Variants in ANKFN1 observed in about 807,000 individuals in gnomAD.
ANKFN1 encodes ankyrin repeat and fibronectin type III domain containing 1.
In ANKFN1, 74 loss-of-function variants were observed where a neutral mutation model predicts 108.7. The ratio of observed to expected loss-of-function variants is 0.68; its 90% CI spans 0.56 to 0.83. The LOEUF is 0.83. Ranked by LOEUF, ANKFN1 falls within the 40% of genes least tolerant of loss-of-function variation. The pLI, the probability that ANKFN1 is intolerant of heterozygous loss-of-function variation, is 0.00. For missense variants in ANKFN1, 1,505 were observed against 1,382.3 expected, an observed-to-expected ratio of 1.09 and a Z score of -1.41; for synonymous variants, 547 against 516.2, an observed-to-expected ratio of 1.06 and a Z score of -0.81.
In ANKFN1 at chr17:56,108,326, G is replaced by A. The variant is rs1035743659; in HGVS notation, c.288+62001G>A. 5.9e-5 allele frequency among the ~76,000 whole-genome samples: 9 copies of A among 152,264 alleles called. 1 individual carries two copies. Among genetic ancestry groups the A allele is most frequent in the Admixed American group, 2.6e-4 (4 of 15,288 alleles). On this transcript the variant is annotated intron_variant, in intron 4 of 12. Transcript: ENST00000635860. Reference sequence around the variant, plus strand: ...TGGGATTACAGGTGTGAGCCACGGCGCCTGGCCTCCCATAGCACTTTCATT... The same window carrying A: ...TGGGATTACAGGTGTGAGCCACGGCACCTGGCCTCCCATAGCACTTTCATT...
At chr17:56,381,512 A>C (rs2047103734) in intron 8 of ANKFN1, among the ~76,000 whole-genome samples, 1 of 152,208 alleles carries the variant, frequency 6.6e-6, no homozygotes, top group Admixed American at 6.5e-5. Context: ...AATTCAAACC[A>C]AAGGCAAACA....
chr17:56,402,525 A>C (rs1275652631), intron 8 of ANKFN1, among the ~76,000 whole-genome samples: 1 of 152,080 alleles, frequency 6.6e-6, no homozygotes, highest in Non-Finnish European at 1.5e-5. Flanking sequence ...CAGTGGTGTC[A>C]GTTGTAATAT....
intron 8 of ANKFN1, among the ~76,000 whole-genome samples, chr17:56,429,023 G>T (rs2048668143): frequency 6.6e-6 from 1 of 152,162 alleles, no homozygotes; most frequent in Non-Finnish European, 1.5e-5. Context: ...AGAAGTTCCA[G>T]GGAAGATAAG....
At chr17:56,262,803 T>A (rs969272974) in intron 3 of ANKFN1, among the ~76,000 whole-genome samples, 11 of 151,846 alleles carry the variant, frequency 7.2e-5, no homozygotes, top group African/African-American at 9.7e-5. Context: ...TTTCCTGCCA[T>A]ACCCCCTCAC....
chr17:56,470,979 C>T (rs2050298230), intron 15 of ANKFN1, among the ~76,000 whole-genome samples: 1 of 152,174 alleles, frequency 6.6e-6, no homozygotes, highest in Non-Finnish European at 1.5e-5. Context: ...CCCTAGAAGC[C>T]TCACATGCAA....
At chr17:56,193,471 C>CA (rs1039415492) in intron 1 of ANKFN1, among the ~76,000 whole-genome samples, 7 of 88,342 alleles carry the variant, frequency 7.9e-5, no homozygotes, top group South Asian at 7.4e-4. Flanking sequence ...TAAAAAAAAA[C>CA]AAAAAAAATA....
At chr17:56,062,296 C>T (rs1344866629) in intron 4 of ANKFN1, among the ~76,000 whole-genome samples, 1 of 152,240 alleles carries the variant, frequency 6.6e-6, no homozygotes, top group East Asian at 1.9e-4. Flanking sequence ...TGCTAATTTT[C>T]TCTCTCATTG....
chr17:56,210,308 ATC>A (rs1307581572), intron 1 of ANKFN1, among the ~76,000 whole-genome samples: 2 of 152,160 alleles, frequency 1.3e-5, no homozygotes, highest in African/African-American at 2.4e-5. Context: ...TCTTTAAGGA[ATC>A]TCTACACTTT....
rs145553886 is a variant in ANKFN1 at position 56,258,991 on chromosome 17, T to G, written c.53+31034T>G. Among the ~76,000 whole-genome samples, 217 of 152,290 alleles carry G rather than the reference T, an allele frequency of 1.4e-3. 1 individual carries two copies. Among genetic ancestry groups the G allele is most frequent in the African/African-American group, 5.0e-3 (206 of 41,568 alleles). The stretch of plus-strand genomic sequence containing the variant: ...GGTGTTCCTTTGCGCTCATGAAATT[T>G]CCAAAGTATTAGAGATATAAAGTGT... On this transcript the variant is annotated intron_variant, in intron 3 of 20. Transcript: ENST00000682825.
chr17:56,256,317 A>C (rs1367395619), intron 3 of ANKFN1, among the ~76,000 whole-genome samples: 1 of 152,222 alleles, frequency 6.6e-6, no homozygotes, highest in Non-Finnish European at 1.5e-5. Flanking sequence ...GAATAAGAAC[A>C]ATGTAATATT....
chr17:56,337,002 G>A (rs1163269660), intron 4 of ANKFN1, among the ~76,000 whole-genome samples: 1 of 152,160 alleles, frequency 6.6e-6, no homozygotes, highest in Non-Finnish European at 1.5e-5. Context: ...GGAGCAGGTT[G>A]TTTTGTTCCC....
intron 1 of ANKFN1, among the ~76,000 whole-genome samples, chr17:56,201,301 C>A (rs1329893545): frequency 1.3e-5 from 2 of 152,154 alleles, no homozygotes; most frequent in East Asian, 3.9e-4. Flanking sequence ...AAACTATTCC[C>A]TCCTCTCTTT....
intron 4 of ANKFN1, among the ~76,000 whole-genome samples, chr17:56,134,500 A>C (rs1227784591): frequency 6.6e-6 from 1 of 152,150 alleles, no homozygotes; most frequent in African/African-American, 2.4e-5. Flanking sequence ...AAAGAACAAA[A>C]GATGCTTCTG....
At chr17:56,269,416 G>T (rs2043735204) in intron 3 of ANKFN1, among the ~76,000 whole-genome samples, 1 of 152,200 alleles carries the variant, frequency 6.6e-6, no homozygotes, top group South Asian at 2.1e-4. Context: ...TAATGGAGGA[G>T]TTGTCACCCA....
At chr17:56,451,157 T>G (rs115276733) in intron 11 of ANKFN1, among the ~76,000 whole-genome samples, 1 of 152,226 alleles carries the variant, frequency 6.6e-6, no homozygotes, top group Admixed American at 6.5e-5. Flanking sequence ...AAATGTTGAA[T>G]TCTACATCTT....
chr17:56,466,822 T>C (rs2050089528), intron 15 of ANKFN1, among the ~76,000 whole-genome samples: 1 of 152,166 alleles, frequency 6.6e-6, no homozygotes, highest in South Asian at 2.1e-4. Context: ...TAAGAAACAT[T>C]GAGGCCAGGC....
intron 3 of ANKFN1, among the ~76,000 whole-genome samples, chr17:56,273,557 G>T (rs911948594): frequency 1.6e-4 from 25 of 151,856 alleles, no homozygotes; most frequent in Non-Finnish European, 3.2e-4. Context: ...CACCAGATAG[G>T]GAATCTTATT....
chr17:56,340,767 G>A (rs1053809984), intron 4 of ANKFN1, among the ~76,000 whole-genome samples: 6 of 152,044 alleles, frequency 3.9e-5, no homozygotes, highest in African/African-American at 1.4e-4. Flanking sequence ...TTTTGCTTAG[G>A]ATTGTCTTGA....
chr17:56,260,681 C>A (rs980362264), intron 3 of ANKFN1, among the ~76,000 whole-genome samples: 10 of 151,608 alleles, frequency 6.6e-5, no homozygotes, highest in African/African-American at 1.7e-4. Flanking sequence ...CCATAATGTT[C>A]AAAAAAAATA....
Sources: gnomAD v4.1 joint callset for allele counts (sites outside exome capture counted in the v4.1 genomes callset) on GRCh38, gnomAD v4.1.1 for gene constraint, MANE v1.5 for transcripts, NCBI Gene and HGNC (gene_info 2026-07-23, HGNC 2026-07-21) for gene names.